Variants in HSD17B13 observed in about 807,000 individuals in gnomAD.
HSD17B13 encodes hydroxysteroid 17-beta dehydrogenase 13, also known as 17-beta-hydroxysteroid dehydrogenase 13.
Under a neutral mutation model 31.1 loss-of-function variants are expected in HSD17B13, and 26 were observed. That is an observed-to-expected ratio of 0.84 (90% CI 0.61 to 1.16). HSD17B13 has a LOEUF of 1.16. Ranked by LOEUF, HSD17B13 falls within the 50% of genes most tolerant of loss-of-function variation. The probability of loss-of-function intolerance (pLI) is 0.00; values close to 1 mark genes in which losing one functional copy is unlikely to be tolerated. For missense variants in HSD17B13, 374 were observed against 366.5 expected, an observed-to-expected ratio of 1.02 and a Z score of -0.17; for synonymous variants, 141 against 133.7, an observed-to-expected ratio of 1.05 and a Z score of -0.38.
rs575704303 is a variant in HSD17B13 at position 87,312,280 on chromosome 4, C to A, written c.695+1543G>T. ...TATTAAGTACTGTGAGACAACGTAGCAAATGTAAGAAGCCACGTTTACTCA... is the reference window on the plus strand; with the variant it reads ...TATTAAGTACTGTGAGACAACGTAGAAAATGTAAGAAGCCACGTTTACTCA... On this transcript the variant is annotated intron_variant, in intron 5 of 6. Coordinates refer to ENST00000328546, the MANE Select transcript of HSD17B13 (RefSeq NM_178135.5). 4.6e-5 allele frequency among the ~76,000 whole-genome samples: 7 copies of A among 152,270 alleles called. No individual in the cohort carries two copies. In the South Asian group the frequency reaches 1.0e-3, roughly 23 times the overall value.
At position 87,304,404 on chromosome 4, in the gene HSD17B13, C is replaced by CTG. The variant is rs1734340902; in HGVS notation, c.*813_*814insCA. On this transcript the variant is annotated 3_prime_UTR_variant, in exon 7 of 7. Coordinates refer to ENST00000328546, the MANE Select transcript of HSD17B13 (RefSeq NM_178135.5). ...GGTCCATTGTTTCTTATGTAATAGCCAGTACAGTTCCTTTTCCTGTGTTAG... is the reference window on the plus strand; with the variant it reads ...GGTCCATTGTTTCTTATGTAATAGCCTGAGTACAGTTCCTTTTCCTGTGTTAG... 1 of 152,192 alleles carries CTG rather than the reference C, an allele frequency of 6.6e-6. No homozygotes were observed. The highest frequency in any genetic ancestry group is 2.4e-5 in the African/African-American group (1 of 41,432). 9.4% of individuals were successfully genotyped at this position (152,192 alleles called of 1,614,324 possible). A position where few individuals can be genotyped will look rare whatever the true frequency, so the allele number is the denominator to read the frequency against.
chr4:87,304,316 CA>C lies in HSD17B13; in HGVS notation c.*901del. ...AGAGTGAGACTCCATCTCAAAAAAA[CA>C]AAAAACAAAACAAAACAAAACAAAA... is the stretch of plus-strand genomic sequence containing the variant. On this transcript the variant is annotated 3_prime_UTR_variant, in exon 7 of 7. Transcript: ENST00000328546. The C allele has an allele frequency of 6.4e-6, 1 of 156,394 alleles. No homozygotes were observed. The highest frequency in any genetic ancestry group is 1.4e-5 in the Non-Finnish European group (1 of 71,626). 9.7% of individuals were successfully genotyped at this position (156,394 alleles called of 1,614,324 possible).
rs940003173 is a variant in HSD17B13 at position 87,304,651 on chromosome 4, T to A, written c.*567A>T. On this transcript the variant is annotated 3_prime_UTR_variant, in exon 7 of 7. Transcript: ENST00000328546. ...CTTCAGAGTTATACAGAAGACAGAA[T>A]CAAGTAATAAAGTCCAGAATAGAGT... is the stretch of plus-strand genomic sequence containing the variant. The A allele has an allele frequency of 6.6e-6, 1 of 152,206 alleles. No homozygotes were observed. The highest frequency in any genetic ancestry group is 2.4e-5 in the African/African-American group (1 of 41,440). The allele number at this position is 152,206 out of a possible 1,614,324, so 9.4% of individuals were successfully genotyped here.
Position 87,316,861 on chromosome 4 carries a change from T to C in HSD17B13, c.450+231A>G, listed in dbSNP as rs7662471. ...ACATGCCAAGCTTTGTGTCAGATACTGGTGGACAAGACAGACCAAGTAGCT... is the reference window on the plus strand; with the variant it reads ...ACATGCCAAGCTTTGTGTCAGATACCGGTGGACAAGACAGACCAAGTAGCT... On this transcript the variant is annotated intron_variant, in intron 3 of 6. Coordinates refer to ENST00000328546, the MANE Select transcript of HSD17B13 (RefSeq NM_178135.5). Among the ~76,000 whole-genome samples, 9,311 of 152,248 alleles carry C rather than the reference T, an allele frequency of 0.061. 421 individuals are homozygous for C. Among genetic ancestry groups the C allele is most frequent in the African/African-American group, 0.12 (4,868 of 41,514 alleles).
intron 1 of HSD17B13, among the ~76,000 whole-genome samples, chr4:87,321,141 C>T (rs1734777657): frequency 6.6e-6 from 1 of 151,988 alleles, no homozygotes; most frequent in Admixed American, 6.6e-5. Context: ...ACGATCCTCC[C>T]ACCTCAGCCT....
At chr4:87,315,819 T>TC (rs1734639414) in intron 3 of HSD17B13, among the ~76,000 whole-genome samples, 1 of 152,078 alleles carries the variant, frequency 6.6e-6, no homozygotes, top group South Asian at 2.1e-4. Flanking sequence ...ATCTCAGTAC[T>TC]CCCCCTCCTT....
rs760737421 is a variant in HSD17B13 at position 87,313,954 on chromosome 4, G to A, written c.564C>T (p.Ser188=). 29 of 1,561,790 alleles carry A rather than the reference G, an allele frequency of 1.9e-5. No homozygotes were observed. The highest frequency in any genetic ancestry group is 2.5e-5 in the Non-Finnish European group (29 of 1,155,516). The part of the protein sequence containing the change: ...GIPYLIPYCS[S]KFAAVGFHRG... ...TGTGAAAGCCAACAGCGGCAAATTT[G>A]CTGGAACTGTAAGAGAATTATTAAG... Residue 188 remains serine, a synonymous_variant, in exon 5 of 7, where the codon AGC becomes AGT. Coordinates refer to ENST00000328546, the MANE Select transcript of HSD17B13 (RefSeq NM_178135.5).
At chr4:87,313,982 T>C (rs1199871247) in intron 4 of HSD17B13, 22 bp from the exon 5 acceptor site, 4 of 1,514,118 alleles carry the variant, frequency 2.6e-6, no homozygotes, top group African/African-American at 1.4e-5. Flanking sequence ...TTATTAAGCA[T>C]TGTTAGCTAA....
chr4:87,304,522 A>G lies in HSD17B13; in HGVS notation c.*696T>C, dbSNP rs1472499966. On this transcript the variant is annotated 3_prime_UTR_variant, in exon 7 of 7. Transcript: ENST00000328546. ...CAAAGAAAAAGGTTATCATGGGGCT[A>G]GAACTTAAAATTCTGAGATTTAAAA... The G allele has an allele frequency of 6.6e-6, 1 of 152,180 alleles. No individual in the cohort carries two copies. The highest frequency in any genetic ancestry group is 1.5e-5 in the Non-Finnish European group (1 of 68,030). 9.4% of individuals were successfully genotyped at this position (152,180 alleles called of 1,614,324 possible). A position where few individuals can be genotyped will look rare whatever the true frequency, so the allele number is the denominator to read the frequency against.
chr4:87,312,114 G>A (rs1022849562), intron 5 of HSD17B13, among the ~76,000 whole-genome samples: 1 of 152,048 alleles, frequency 6.6e-6, no homozygotes. Flanking sequence ...CCCCAAGAGT[G>A]GCAGGATACC....
In HSD17B13 at chr4:87,310,351, G is replaced by T; in HGVS notation, c.704C>A (p.Pro235His). The change falls in exon 6 of 7, where the codon CCT (proline) becomes CAT (histidine). Residue 235 changes from proline (P) to histidine (H), a missense_variant. Transcript: ENST00000328546. ...FTKNPSTRLWPVLETDEVVRS... is the reference protein window; with the variant it reads ...FTKNPSTRLWHVLETDEVVRS... ...TACGACTTCATCTGTCTCCAATACA[G>T]GCCATAATCTGTGATTAAAAAGAGG... 6.8e-7 allele frequency: 1 copy of T among 1,466,782 alleles called. No individual in the cohort carries two copies. The allele number at this position is 1,466,782 out of a possible 1,614,324, so 90.9% of individuals were successfully genotyped here.
In HSD17B13 at chr4:87,315,842, A is replaced by C. The variant is rs950167391; in HGVS notation, c.451-243T>G. 4.6e-5 allele frequency among the ~76,000 whole-genome samples: 7 copies of C among 152,210 alleles called. No individual in the cohort carries two copies. The South Asian group carries it at 1.4e-3, about 31-fold the overall frequency. On this transcript the variant is annotated intron_variant, in intron 3 of 6. Coordinates refer to ENST00000328546, the MANE Select transcript of HSD17B13 (RefSeq NM_178135.5). ...ACTCCCCCTCCTTCCCTTCAGAAGG[A>C]ATCAAATAGATCCTTTTTTGGATAT...
chr4:87,313,172 A>G lies in HSD17B13; in HGVS notation c.695+651T>C, dbSNP rs185829382. Among the ~76,000 whole-genome samples the G allele has an allele frequency of 3.1e-3, 472 of 152,312 alleles. 2 individuals carry two copies. The highest frequency in any genetic ancestry group is 0.01 in the African/African-American group (434 of 41,572). ...GGGAGTGATTCCAGCTGCAGAGACC[A>G]CATAGCTAACTCAGGCTGTAAGAGT... On this transcript the variant is annotated intron_variant, in intron 5 of 6. Coordinates refer to ENST00000328546, the MANE Select transcript of HSD17B13 (RefSeq NM_178135.5).
rs544282993 is a variant in HSD17B13, at chr4:87,318,624, C to A, written c.211-188G>T. Among the ~76,000 whole-genome samples the A allele has an allele frequency of 4.2e-3, 635 of 150,294 alleles. 3 individuals are homozygous for A. Among genetic ancestry groups the A allele is most frequent in the African/African-American group, 0.014 (593 of 40,900 alleles). ...ACCAGCCTGGCCAACATGGTGAAAC[C>A]CCGTCTCTACTAAAAATACAAAAAT... On this transcript the variant is annotated intron_variant, in intron 1 of 6. Transcript: ENST00000328546.
chr4:87,305,274 G>T lies in HSD17B13; in HGVS notation c.847C>A (p.Arg283Ser), dbSNP rs755551017. 8 of 1,606,210 alleles carry T rather than the reference G, an allele frequency of 5.0e-6. No homozygotes were observed. In the South Asian group the frequency reaches 5.6e-5, roughly 11 times the overall value. Residue 283 changes from arginine to serine, a missense_variant, in exon 7 of 7, where the codon CGT becomes AGT. Coordinates refer to ENST00000328546, the MANE Select transcript of HSD17B13 (RefSeq NM_178135.5). ...LPERASAILN[R>S]MQNIQFEAVV... ...GCTTCAAATTGAATATTCTGCATAC[G>T]ATTTAAAATCGCTGAGGCGCGTTCA...
In HSD17B13 at chr4:87,318,411, T is replaced by A. The variant is rs756520351; in HGVS notation, c.236A>T (p.Glu79Val). The A allele has an allele frequency of 9.3e-6, 15 of 1,614,156 alleles. No individual in the cohort carries two copies. The highest frequency in any genetic ancestry group is 1.3e-5 in the Non-Finnish European group (15 of 1,179,990). ...CGCAGTGACGCCTAGTTTTCGGCACTCAGCTGCAGTTTCCTCCACACCGCG... is the reference window on the plus strand; with the variant it reads ...CGCAGTGACGCCTAGTTTTCGGCACACAGCTGCAGTTTCCTCCACACCGCG... ...NKRGVEETAA[E>V]CRKLGVTAHA... The change falls in exon 2 of 7, where the codon GAG becomes GTG. Residue 79 changes from glutamate to valine, a missense_variant. Physicochemically the swap from Glu to Val is moderately radical, Grantham distance 121 (BLOSUM62 -2). Coordinates refer to ENST00000328546, the MANE Select transcript of HSD17B13 (RefSeq NM_178135.5).
chr4:87,319,008 C>A (rs1734722107), intron 1 of HSD17B13, among the ~76,000 whole-genome samples: 1 of 151,864 alleles, frequency 6.6e-6, no homozygotes, highest in Non-Finnish European at 1.5e-5. Flanking sequence ...TGGTGAAACC[C>A]CATCTCTACT....
chr4:87,317,021 A>G, intron 3 of HSD17B13, 71 bp downstream of exon 3: 2 of 1,485,376 alleles, frequency 1.3e-6, no homozygotes, highest in Non-Finnish European at 9.4e-7. Flanking sequence ...GAAGTATGTG[A>G]ACTCCGTTAT....
intron 5 of HSD17B13, among the ~76,000 whole-genome samples, chr4:87,312,659 A>G (rs1222483250): frequency 6.7e-6 from 1 of 149,948 alleles, no homozygotes; most frequent in Admixed American, 6.7e-5. Context: ...CCTCCCGCGC[A>G]GCTGGGACTA....
Sources: allele counts gnomAD v4.1 joint callset (sites outside exome capture counted in the v4.1 genomes callset), GRCh38; gene constraint gnomAD v4.1.1; transcripts MANE v1.5; gene names NCBI Gene and HGNC (gene_info 2026-07-23, HGNC 2026-07-21).